Variants in PHC1 observed in about 807,000 individuals in gnomAD.
The protein encoded by PHC1 is polyhomeotic-like protein 1.
Under a neutral mutation model 104.3 loss-of-function variants are expected in PHC1, and 12 were observed. The observed-to-expected ratio is 0.12, with a 90% CI of 0.07 to 0.19. PHC1 has a LOEUF of 0.19. PHC1 is among the 10% of genes least tolerant of loss of function. The probability of loss-of-function intolerance (pLI) is 1.00; values close to 1 mark genes in which losing one functional copy is unlikely to be tolerated. For synonymous variants in PHC1, 302 were observed against 455.8 expected (o/e 0.66, Z 4.30); for missense variants, 671 against 1,200.0 (o/e 0.56, Z 6.51).
chr12:8,937,251 T>G lies in PHC1; in HGVS notation c.2553T>G (p.Ala851=). ...AAGAGTTTCAAGAAGCCAACTATGC[T>G]CGCGTTCGCAGGCGTGGACCCCGCC... The part of the protein sequence containing the change: ...KMKEFQEANY[A]RVRRRGPRRS... The change falls in exon 13 of 15, where the codon GCT becomes GCG. Residue 851 remains alanine (A), a synonymous_variant. Transcript: ENST00000544916. 1 of 1,613,106 alleles carries G rather than the reference T, an allele frequency of 6.2e-7. No individual in the cohort carries two copies.
At chr12:8,933,713 G>T in intron 8 of PHC1, 152 bp from the exon 9 acceptor site, 1 of 664,542 alleles carries the variant, frequency 1.5e-6, no homozygotes, top group South Asian at 2.1e-5. Context: ...AAGTTACTAG[G>T]AATGACCAGG....
intron 13 of PHC1, among the ~76,000 whole-genome samples, 153 bp from the exon 14 acceptor site, chr12:8,937,676 G>A (rs1479679714): frequency 6.6e-6 from 1 of 152,174 alleles, no homozygotes; most frequent in Non-Finnish European, 1.5e-5. Context: ...GACTTTGAGA[G>A]TAGATTTTGG....
chr12:8,925,263 C>G (rs945278356), intron 6 of PHC1, among the ~76,000 whole-genome samples: 9 of 152,280 alleles, frequency 5.9e-5, no homozygotes, highest in African/African-American at 2.2e-4. Flanking sequence ...CTGCGTTTGA[C>G]TGCTTGAAGA....
chr12:8,930,346 G>T, intron 6 of PHC1, 89 bp from the exon 7 acceptor site: 1 of 1,527,826 alleles, frequency 6.5e-7, no homozygotes, highest in South Asian at 1.2e-5. Flanking sequence ...TGTGGAATAC[G>T]ACACAATAGC....
chr12:8,935,260 C>G (rs1345488611), intron 11 of PHC1, 22 bp downstream of exon 11: 1 of 1,299,394 alleles, frequency 7.7e-7, no homozygotes, highest in African/African-American at 1.5e-5. Flanking sequence ...TTTAGAGACT[C>G]ATTTGGGGGA....
chr12:8,917,193 G>A (rs891792409), intron 1 of PHC1, among the ~76,000 whole-genome samples: 11 of 152,188 alleles, frequency 7.2e-5, no homozygotes, highest in Non-Finnish European at 1.6e-4. Flanking sequence ...CCCAGTGAAA[G>A]GAGGCAACTA....
In PHC1 at chr12:8,937,851, G is replaced by A. The variant is rs1454278827; in HGVS notation, c.2651G>A (p.Gly884Asp). ...CHRGQEDSSR[G>D]SDNSSYDEAL... is the part of the protein sequence containing the mutation. The stretch of plus-strand genomic sequence containing the variant: ...TAGGGTCAAGAAGACTCTAGCCGGG[G>A]TTCAGATAATTCCAGTTATGATGAA... The change falls in exon 14 of 15, where the codon GGT (glycine) becomes GAT (aspartate). Residue 884 changes from glycine (G) to aspartate (D), a missense_variant. Transcript: ENST00000544916. The A allele has an allele frequency of 1.2e-6, 2 of 1,612,888 alleles. No individual in the cohort carries two copies. The highest frequency in any genetic ancestry group is 1.3e-5 in the African/African-American group (1 of 75,010).
At chr12:8,936,500 T>G (rs745390275) in intron 11 of PHC1, among the ~76,000 whole-genome samples, 33 of 152,356 alleles carry the variant, frequency 2.2e-4, no homozygotes, top group African/African-American at 7.9e-4. Flanking sequence ...TTCCCACTGC[T>G]TTTGGAAATC....
intron 14 of PHC1, among the ~76,000 whole-genome samples, 154 bp from the exon 15 acceptor site, chr12:8,939,150 TA>T (rs1306290681): frequency 6.6e-6 from 1 of 152,246 alleles, no homozygotes. Context: ...AGTTGCTTTC[TA>T]ATTTCATTTT....
Position 8,930,524 on chromosome 12 carries a change from C to T in PHC1, c.702C>T (p.Ala234=), listed in dbSNP as rs750977414. 1 of 1,556,688 alleles carries T rather than the reference C, an allele frequency of 6.4e-7. No individual in the cohort carries two copies. Among genetic ancestry groups the T allele is most frequent in the South Asian group, 1.2e-5 (1 of 84,374 alleles). The change falls in exon 7 of 15, where the codon GCC becomes GCT. Residue 234 remains alanine (A), a synonymous_variant. Coordinates refer to ENST00000544916, the MANE Select transcript of PHC1 (RefSeq NM_004426.3). ...GSTQKAIPPG[A]SPVSSLSQAS... The stretch of plus-strand genomic sequence containing the variant: ...CTCAGAAGGCCATTCCTCCAGGAGC[C>T]TCCCCTGTCTCTAGCCTCTCCCAGG...
chr12:8,937,037 C>T (rs1183281687), intron 12 of PHC1, 73 bp downstream of exon 12: 7 of 1,368,692 alleles, frequency 5.1e-6, no homozygotes, highest in South Asian at 1.2e-5. Context: ...TCCCCAGGAT[C>T]GTCTCATAGC....
intron 6 of PHC1, among the ~76,000 whole-genome samples, chr12:8,925,890 T>C (rs909287001): frequency 2.6e-5 from 4 of 152,202 alleles, no homozygotes; most frequent in African/African-American, 9.7e-5. Context: ...AGTGTGACTG[T>C]AGGGAGAATA....
rs895001737 is a variant in PHC1, at chr12:8,919,288, C to T, written c.115-468C>T. On this transcript the variant is annotated intron_variant, in intron 2 of 14. Transcript: ENST00000544916. This position sits in a 1 kb window ranked among gnomAD's most constrained non-coding sequence, Gnocchi z 4.9. ...GTTGGCCAGGCTGGTCTTGAACTCCCGACCTCAGGTGATCTGCCCTCCTAG... is the reference window on the plus strand; with the variant it reads ...GTTGGCCAGGCTGGTCTTGAACTCCTGACCTCAGGTGATCTGCCCTCCTAG... Among the ~76,000 whole-genome samples, 12 of 152,070 alleles carry T rather than the reference C, an allele frequency of 7.9e-5. No homozygotes were observed. The East Asian group carries it at 1.5e-3, about 20-fold the overall frequency.
Position 8,919,950 on chromosome 12 carries a change from T to A in PHC1, c.225+84T>A, listed in dbSNP as rs764918479. 2 of 1,547,706 alleles carry A rather than the reference T, an allele frequency of 1.3e-6. No individual in the cohort carries two copies. Among genetic ancestry groups the A allele is most frequent in the Non-Finnish European group, 1.7e-6 (2 of 1,143,430 alleles). On this transcript the variant is annotated intron_variant, in intron 3 of 14. Transcript: ENST00000544916. The surrounding 1 kb of genome is among the most constrained non-coding windows in gnomAD (Gnocchi z 4.9). ...GGGGAGATTTTTTGGGCATATAGCATCCTATACTAAGCCAGGCTGCAGACA... is the reference window on the plus strand; with the variant it reads ...GGGGAGATTTTTTGGGCATATAGCAACCTATACTAAGCCAGGCTGCAGACA...
chr12:8,920,734 A>G (rs1179110682), intron 3 of PHC1, among the ~76,000 whole-genome samples: 2 of 152,080 alleles, frequency 1.3e-5, no homozygotes, highest in Non-Finnish European at 2.9e-5. Flanking sequence ...TTTTCCACCT[A>G]AAAGAGAGTG....
intron 5 of PHC1, 117 bp downstream of exon 5, chr12:8,921,867 G>A: frequency 1.0e-6 from 1 of 975,176 alleles, no homozygotes; most frequent in Non-Finnish European, 1.5e-6. Context: ...AGGCTGGAGT[G>A]CAGTGGCACA....
At chr12:8,933,582 G>A in intron 8 of PHC1, 1 of 651,428 alleles carries the variant, frequency 1.5e-6, no homozygotes, top group Non-Finnish European at 2.5e-6. Context: ...GTTAGATCAA[G>A]ATAGCCTTAA....
chr12:8,934,096 G>A (rs1945767518), intron 9 of PHC1, 84 bp downstream of exon 9: 1 of 1,492,144 alleles, frequency 6.7e-7, no homozygotes, highest in Non-Finnish European at 9.3e-7. Flanking sequence ...AACTGGTTGA[G>A]TAGAAAATGG....
intron 1 of PHC1, among the ~76,000 whole-genome samples, chr12:8,916,395 C>G (rs1470526964): frequency 1.3e-5 from 2 of 152,102 alleles, no homozygotes; most frequent in African/African-American, 2.4e-5. Flanking sequence ...AGCAGAAATT[C>G]TGGTTTGATG....
Sources: gnomAD v4.1 joint callset for allele counts (sites outside exome capture counted in the v4.1 genomes callset) on GRCh38, gnomAD v4.1.1 for gene constraint, Gnocchi (gnomAD v3.1) non-coding constraint, MANE v1.5 for transcripts, NCBI Gene and HGNC (gene_info 2026-07-23, HGNC 2026-07-21) for gene names.